The following SH3RF2 variants were observed in gnomAD, a reference collection of about 807,000 sequenced individuals.
SH3RF2 encodes E3 ubiquitin-protein ligase SH3RF2.
Under a neutral mutation model 59.0 loss-of-function variants are expected in SH3RF2, and 43 were observed. That is an observed-to-expected ratio of 0.73 (90% CI 0.57 to 0.94). The LOEUF is 0.94. Among genes scored for constraint, SH3RF2 ranks in the 40% least tolerant of loss-of-function variants. The pLI is 0.00. For missense variants in SH3RF2, 930 were observed against 940.1 expected (o/e 0.99, Z 0.14); for synonymous variants, 391 against 391.5 (o/e 1.00, Z 0.01).
chr5:146,004,060 C>T lies in SH3RF2; in HGVS notation c.651C>T (p.Asp217=), dbSNP rs759670728. 6.2e-6 allele frequency: 10 copies of T among 1,610,890 alleles called. No homozygotes were observed. Among genetic ancestry groups the T allele is most frequent in the South Asian group, 4.4e-5 (4 of 90,854 alleles). Residue 217 remains aspartate (D), a splice_region_variant and synonymous_variant, in exon 4 of 10, where the codon GAC becomes GAT. Coordinates refer to ENST00000359120, the MANE Select transcript of SH3RF2 (RefSeq NM_152550.4). The stretch of plus-strand genomic sequence containing the variant: ...GACCATGAGACTTTCTCTTTCAGGA[C>T]GATATCATCACTGTGATCAGCCGAG... ...ENQDCLTFLK[D]DIITVISRVD... is the part of the protein sequence containing the mutation.
rs113166201 is a variant in SH3RF2, at chr5:146,005,828, G to A, written c.744+1675G>A. Among the ~76,000 whole-genome samples the A allele has an allele frequency of 1.5e-4, 22 of 143,216 alleles. 3 individuals carry two copies. The highest frequency in any genetic ancestry group is 5.5e-4 in the African/African-American group (21 of 38,114). 94.0% of individuals were successfully genotyped at this position (143,216 alleles called of 152,430 possible). ...TGTGTTAGTTGTACTTCACAGGCTA[G>A]CCTAACACAGAACAAGCACTCTGTT... On this transcript the variant is annotated intron_variant, in intron 4 of 9. Transcript: ENST00000359120.
intron 2 of SH3RF2, among the ~76,000 whole-genome samples, chr5:145,951,641 A>AT (rs1252148624): frequency 5.3e-5 from 8 of 152,180 alleles, no homozygotes; most frequent in African/African-American, 1.7e-4. Context: ...TCTGAGGCAC[A>AT]TACTATTTCC....
downstream of SH3RF2, among the ~76,000 whole-genome samples, chr5:146,064,863 AG>A (rs1367744382): frequency 1.4e-4 from 3 of 21,994 alleles, no homozygotes; most frequent in Admixed American, 1.8e-3. Flanking sequence ...AAAGAAAGAA[AG>A]AGAAAGAAAA....
intron 5 of SH3RF2, among the ~76,000 whole-genome samples, chr5:146,036,376 A>G (rs1761937037): frequency 6.6e-6 from 1 of 152,110 alleles, no homozygotes; most frequent in Admixed American, 6.5e-5. Flanking sequence ...ACATAGTGAG[A>G]CATTGTCTCT....
chr5:146,011,747 C>CT (rs1265114822), intron 4 of SH3RF2, among the ~76,000 whole-genome samples: 7 of 152,158 alleles, frequency 4.6e-5, no homozygotes, highest in African/African-American at 1.7e-4. Flanking sequence ...TGAGACTTTG[C>CT]TGAAGTTGCT....
At chr5:146,004,528 G>A (rs1760557010) in intron 4 of SH3RF2, among the ~76,000 whole-genome samples, 3 of 152,104 alleles carry the variant, frequency 2.0e-5, no homozygotes, top group Non-Finnish European at 4.4e-5. Flanking sequence ...TCACCATAAT[G>A]TTAGGCGATG....
At chr5:146,071,125 G>C (rs1429263663) in intron 9 of SH3RF2, among the ~76,000 whole-genome samples, 1 of 152,166 alleles carries the variant, frequency 6.6e-6, no homozygotes, top group Non-Finnish European at 1.5e-5. Flanking sequence ...TTGCATTCAG[G>C]AGACCCTCAC....
At chr5:145,967,996 C>G (rs1758926817) in intron 2 of SH3RF2, among the ~76,000 whole-genome samples, 1 of 150,100 alleles carries the variant, frequency 6.7e-6, no homozygotes, top group Admixed American at 6.6e-5. Context: ...GATCTCTTAA[C>G]TTTGCTTTTA....
chr5:145,984,344 A>G (rs1276513312), intron 2 of SH3RF2, among the ~76,000 whole-genome samples: 1 of 152,206 alleles, frequency 6.6e-6, no homozygotes, highest in Non-Finnish European at 1.5e-5. Context: ...GCAATGGCTT[A>G]CAAAAGAGGA....
intron 8 of SH3RF2, among the ~76,000 whole-genome samples, chr5:146,057,972 C>CTA (rs1402735122): frequency 3.7e-5 from 3 of 81,264 alleles, no homozygotes; most frequent in African/African-American, 9.2e-5. Context: ...CTCTCTCTAT[C>CTA]TATCTATCTA....
chr5:145,978,253 C>G (rs1759371875), intron 2 of SH3RF2, among the ~76,000 whole-genome samples: 1 of 152,170 alleles, frequency 6.6e-6, no homozygotes, highest in African/African-American at 2.4e-5. Flanking sequence ...TTCCTACCTC[C>G]CAAACCTAAG....
chr5:145,967,508 T>C (rs775446877), intron 2 of SH3RF2, among the ~76,000 whole-genome samples: 20 of 152,226 alleles, frequency 1.3e-4, no homozygotes, highest in Non-Finnish European at 2.6e-4. Flanking sequence ...TTCAGGTAAA[T>C]CCCTGTGATT....
At chr5:146,046,269 T>C (rs1044183874) in intron 5 of SH3RF2, among the ~76,000 whole-genome samples, 4 of 152,222 alleles carry the variant, frequency 2.6e-5, no homozygotes, top group African/African-American at 9.6e-5. Context: ...AGATTTGCAA[T>C]GGACCAATGC....
intron 4 of SH3RF2, among the ~76,000 whole-genome samples, chr5:146,010,603 T>A (rs557063646): frequency 1.3e-5 from 2 of 152,340 alleles, no homozygotes; most frequent in African/African-American, 4.8e-5. Context: ...TCATTGTGGT[T>A]TTGATTTGCA....
rs148808993 is a variant in SH3RF2, at chr5:146,062,497, C to G, written c.1986C>G (p.Ser662=). Residue 662 remains serine, a synonymous_variant, in exon 10 of 10, where the codon TCC becomes TCG. Coordinates refer to ENST00000359120, the MANE Select transcript of SH3RF2 (RefSeq NM_152550.4). ...AACATTACACCTCCCATCCCACCTCCGGAAAGCCTGAACAGCCAGCCACCC... is the reference window on the plus strand; with the variant it reads ...AACATTACACCTCCCATCCCACCTCGGGAAAGCCTGAACAGCCAGCCACCC... ...PTKHYTSHPT[S]GKPEQPATLK... 3 of 1,614,210 alleles carry G rather than the reference C, an allele frequency of 1.9e-6. No individual in the cohort carries two copies. Among genetic ancestry groups the G allele is most frequent in the Non-Finnish European group, 2.5e-6 (3 of 1,180,030 alleles).
Position 145,979,258 on chromosome 5 carries a change from G to A in SH3RF2, c.379-20800G>A, listed in dbSNP as rs755630249. 4.6e-5 allele frequency among the ~76,000 whole-genome samples: 7 copies of A among 152,308 alleles called. No homozygotes were observed. In the East Asian group the frequency reaches 5.8e-4, roughly 13 times the overall value. ...ACCTACTACAGAAGAAACTCTTGGG[G>A]TAGGGCCCAGCAATTTATTGCAACA... On this transcript the variant is annotated intron_variant, in intron 2 of 9. Coordinates refer to ENST00000359120, the MANE Select transcript of SH3RF2 (RefSeq NM_152550.4).
intron 2 of SH3RF2, among the ~76,000 whole-genome samples, chr5:145,957,978 T>C (rs1460127198): frequency 2.0e-5 from 3 of 152,084 alleles, no homozygotes; most frequent in Non-Finnish European, 4.4e-5. Context: ...CTAGGCATGG[T>C]GGCGCATGCC....
intron 2 of SH3RF2, among the ~76,000 whole-genome samples, chr5:145,943,949 C>T (rs138283975): frequency 0.02 from 3,091 of 152,234 alleles, 42 homozygotes; most frequent in Non-Finnish European, 0.028. Context: ...CCCACCTGTC[C>T]GTTCATGCTA....
intron 7 of SH3RF2, among the ~76,000 whole-genome samples, chr5:146,051,384 T>C (rs931287383): frequency 6.6e-6 from 1 of 152,128 alleles, no homozygotes; most frequent in Admixed American, 6.5e-5. Context: ...GAGAATAAAC[T>C]ATACAAAGGA....
Sources: gnomAD v4.1 joint callset for allele counts (sites outside exome capture counted in the v4.1 genomes callset) on GRCh38, gnomAD v4.1.1 for gene constraint, MANE v1.5 for transcripts, NCBI Gene and HGNC (gene_info 2026-07-23, HGNC 2026-07-21) for gene names.